SEC24A: variants seen among roughly 807,000 people sequenced by gnomAD.
SEC24A encodes the protein protein transport protein Sec24A.
SEC24A carries 93 observed loss-of-function variants against 129.4 expected under a neutral mutation model. The ratio of observed to expected loss-of-function variants is 0.72; its 90% CI spans 0.61 to 0.85. The LOEUF (loss-of-function observed/expected upper bound fraction) is 0.85, where lower values mean the gene tolerates loss of function less well. Among genes scored for constraint, SEC24A ranks in the 40% least tolerant of loss-of-function variants. The probability of loss-of-function intolerance (pLI) is 0.00; values close to 1 mark genes in which losing one functional copy is unlikely to be tolerated. For missense variants in SEC24A, 1,264 were observed against 1,307.4 expected (o/e 0.97, Z 0.51); for synonymous variants, 460 against 467.3 (o/e 0.98, Z 0.20).
rs1183065490 is a variant in SEC24A at position 134,727,379 on chromosome 5, T to C, written c.*2285T>C. The C allele has an allele frequency of 6.6e-6, 1 of 152,600 alleles. No individual in the cohort carries two copies. The highest frequency in any genetic ancestry group is 2.4e-5 in the African/African-American group (1 of 41,460). 9.5% of individuals were successfully genotyped at this position (152,600 alleles called of 1,614,324 possible). A position where few individuals can be genotyped will look rare whatever the true frequency, so the allele number is the denominator to read the frequency against. On this transcript the variant is annotated 3_prime_UTR_variant, in exon 23 of 23. Transcript: ENST00000398844. ...TCTACCATAAAAAGTACTCTATTTT[T>C]CTAATTTCTAGGATTTTTAAAATAA... is the stretch of plus-strand genomic sequence containing the variant.
In SEC24A at chr5:134,648,999, C is replaced by A; in HGVS notation, c.-78C>A. 1 of 1,059,524 alleles carries A rather than the reference C, an allele frequency of 9.4e-7. No individual in the cohort carries two copies. Among genetic ancestry groups the A allele is most frequent in the Admixed American group, 2.1e-5 (1 of 46,906 alleles). 65.6% of individuals were successfully genotyped at this position (1,059,524 alleles called of 1,614,324 possible). A position where few individuals can be genotyped will look rare whatever the true frequency, so the allele number is the denominator to read the frequency against. On this transcript the variant is annotated 5_prime_UTR_variant, in exon 1 of 23. Transcript: ENST00000398844. ...TCTTAAGTCGTTAGCCTCCTCCCTC[C>A]GCTTTCAGCAGTGGTCTTTCAGCTC...
At chr5:134,660,718 G>A (rs1580681783) in intron 1 of SEC24A, among the ~76,000 whole-genome samples, 1 of 151,694 alleles carries the variant, frequency 6.6e-6, no homozygotes, top group Non-Finnish European at 1.5e-5. Flanking sequence ...ATCAAGGCTG[G>A]CTACTTTTTG....
At chr5:134,666,517 A>G (rs1239961346) in intron 2 of SEC24A, among the ~76,000 whole-genome samples, 1 of 152,042 alleles carries the variant, frequency 6.6e-6, no homozygotes, top group African/African-American at 2.4e-5. Context: ...AGATAGCGCT[A>G]TCGCATTCCA....
At chr5:134,720,041 G>A (rs527505745) in intron 20 of SEC24A, among the ~76,000 whole-genome samples, 14 of 152,280 alleles carry the variant, frequency 9.2e-5, no homozygotes, top group African/African-American at 3.4e-4. Context: ...ATTAATTATT[G>A]AAGAAAGAAA....
At chr5:134,705,688 T>C (rs1752140508) in intron 17 of SEC24A, among the ~76,000 whole-genome samples, 1 of 152,114 alleles carries the variant, frequency 6.6e-6, no homozygotes, top group African/African-American at 2.4e-5. Context: ...AATTCATTTG[T>C]TTTTAGTGTT....
At chr5:134,699,857 C>A (rs1220114517) in intron 15 of SEC24A, among the ~76,000 whole-genome samples, 2 of 151,810 alleles carry the variant, frequency 1.3e-5, no homozygotes, top group African/African-American at 4.8e-5. Context: ...CCTGACACTA[C>A]GCCTGACTAA....
rs573617784 is a variant in SEC24A at position 134,690,431 on chromosome 5, G to A, written c.1723+2132G>A. ...TGGGCTCAAGCGATCCTTCCACCTC[G>A]GCTTTTCAAGTAGCTGGAAATACAG... On this transcript the variant is annotated intron_variant, in intron 11 of 22. Transcript: ENST00000398844. Among the ~76,000 whole-genome samples, 3 of 151,296 alleles carry A rather than the reference G, an allele frequency of 2.0e-5. No homozygotes were observed. In the South Asian group the frequency reaches 6.3e-4, roughly 32 times the overall value.
At position 134,707,383 on chromosome 5, in the gene SEC24A, G is replaced by C. The variant is rs141582756; in HGVS notation, c.2552-1330G>C. Among the ~76,000 whole-genome samples, 206 of 151,396 alleles carry C rather than the reference G, an allele frequency of 1.4e-3. 1 individual carries two copies. The highest frequency in any genetic ancestry group is 4.0e-3 in the African/African-American group (165 of 41,274). On this transcript the variant is annotated intron_variant, in intron 17 of 22. Transcript: ENST00000398844. ...CTCACTCTATCGCCCAGGGTGGAGT[G>C]CAGTGGCGTGATCTCGGCTCACTGC...
intron 1 of SEC24A, among the ~76,000 whole-genome samples, chr5:134,659,662 T>A (rs1213918990): frequency 6.6e-6 from 1 of 150,682 alleles, no homozygotes; most frequent in Non-Finnish European, 1.5e-5. Flanking sequence ...TTTTTTTTTT[T>A]TTTGAGACAG....
intron 1 of SEC24A, among the ~76,000 whole-genome samples, chr5:134,653,428 T>G (rs1055055487): frequency 2.6e-5 from 4 of 152,158 alleles, no homozygotes; most frequent in Non-Finnish European, 4.4e-5. Context: ...TAAACAGTTT[T>G]TTTTAGAAAA....
intron 2 of SEC24A, among the ~76,000 whole-genome samples, chr5:134,665,387 G>A (rs1483964748): frequency 1.3e-5 from 2 of 150,302 alleles, no homozygotes; most frequent in East Asian, 2.1e-4. Flanking sequence ...CCCAGGAGGC[G>A]GAGGTTGCAG....
intron 3 of SEC24A, among the ~76,000 whole-genome samples, chr5:134,671,508 A>C (rs757965650): frequency 1.3e-5 from 2 of 152,156 alleles, no homozygotes; most frequent in South Asian, 4.1e-4. Flanking sequence ...TTTTGCTAGA[A>C]GTTATTTTGC....
At chr5:134,672,776 C>G (rs1750912545) in intron 4 of SEC24A, among the ~76,000 whole-genome samples, 1 of 151,554 alleles carries the variant, frequency 6.6e-6, no homozygotes, top group African/African-American at 2.4e-5. Context: ...GTCTCTGTCA[C>G]CCAGGCTCAA....
At chr5:134,687,017 A>G (rs1751478020) in intron 10 of SEC24A, 115 bp downstream of exon 10, 1 of 513,472 alleles carries the variant, frequency 1.9e-6, no homozygotes, top group Admixed American at 4.0e-5. Context: ...CTCCACCCAA[A>G]TCAGTTGTTA....
Position 134,697,152 on chromosome 5 carries a change from C to G in SEC24A, c.2013C>G (p.Asp671Glu), listed in dbSNP as rs1751854018. 1 of 1,554,436 alleles carries G rather than the reference C, an allele frequency of 6.4e-7. No homozygotes were observed. The highest frequency in any genetic ancestry group is 8.8e-7 in the Non-Finnish European group (1 of 1,130,900). The change falls in exon 14 of 23, where the codon GAC becomes GAG. Residue 671 changes from aspartate to glutamate, a missense_variant. Asp to Glu is a conservative substitution (Grantham distance 45). Coordinates refer to ENST00000398844, the MANE Select transcript of SEC24A (RefSeq NM_021982.3). The part of the protein sequence containing the change: ...AKDIHMTPST[D>E]FYKKLALDCS... ...ATATACACATGACACCATCCACTGA[C>G]TTCTATAAGAAATTAGCCTTGGACT...
At chr5:134,718,967 CAA>C (rs894673285) in intron 20 of SEC24A, among the ~76,000 whole-genome samples, 11 of 73,382 alleles carry the variant, frequency 1.5e-4, no homozygotes, top group African/African-American at 1.1e-4. Flanking sequence ...AAGACTGTCT[CAA>C]AAAAAAAAAA....
In SEC24A at chr5:134,708,795, C is replaced by CAACG; in HGVS notation, c.2634_2635insAACG (p.Arg879AsnfsTer8). On this transcript the variant is annotated frameshift_variant, in exon 18 of 23. Transcript: ENST00000398844. LOFTEE classifies it high-confidence loss of function. ...CAGTCATTGACTCCCTTTCAGCTTA[C>CAACG]CGTTCTTCAGTCTTAAGTAACCAGC... The CAACG allele has an allele frequency of 6.2e-7, 1 of 1,614,182 alleles. No homozygotes were observed. Among genetic ancestry groups the CAACG allele is most frequent in the South Asian group, 1.1e-5 (1 of 91,082 alleles).
intron 1 of SEC24A, among the ~76,000 whole-genome samples, chr5:134,659,315 G>T (rs950788799): frequency 6.6e-6 from 1 of 151,822 alleles, no homozygotes; most frequent in African/African-American, 2.4e-5. Context: ...CTCGTGATCC[G>T]CCCGCCTTGG....
chr5:134,707,009 A>G (rs1752179660), intron 17 of SEC24A, among the ~76,000 whole-genome samples: 1 of 151,912 alleles, frequency 6.6e-6, no homozygotes, highest in African/African-American at 2.4e-5. Flanking sequence ...TAACTTTAAA[A>G]AAAATTTTTT....
Sources: gnomAD v4.1 joint callset for allele counts (sites outside exome capture counted in the v4.1 genomes callset) on GRCh38, gnomAD v4.1.1 for gene constraint, MANE v1.5 for transcripts, NCBI Gene and HGNC (gene_info 2026-07-23, HGNC 2026-07-21) for gene names.